Variants in INPP5A observed in about 807,000 individuals in gnomAD.
INPP5A encodes inositol polyphosphate-5-phosphatase A, also known as 43 kDa inositol polyphosphate 5-phophatase.
In INPP5A, 14 loss-of-function variants were observed where a neutral mutation model predicts 65.2. The ratio of observed to expected loss-of-function variants is 0.21; its 90% CI spans 0.14 to 0.34. The LOEUF is 0.34. Among genes scored for constraint, INPP5A ranks in the 10% least tolerant of loss-of-function variants. INPP5A has a pLI of 1.00. For missense variants in INPP5A, 431 were observed against 545.6 expected, an observed-to-expected ratio of 0.79 and a Z score of 2.09; for synonymous variants, 207 against 208.3, an observed-to-expected ratio of 0.99 and a Z score of 0.05.
rs2071117428 is a variant in INPP5A, at chr10:132,555,735, G to T, written c.75+17564G>T. Among the ~76,000 whole-genome samples the T allele has an allele frequency of 1.3e-5, 2 of 152,312 alleles. No homozygotes were observed. The highest frequency in any genetic ancestry group is 4.1e-4 in the South Asian group (2 of 4,828). On this transcript the variant is annotated intron_variant, in intron 1 of 15. Transcript: ENST00000368594. This position sits in a 1 kb window ranked among gnomAD's most constrained non-coding sequence, Gnocchi z 4.4. Reference sequence around the variant, plus strand: ...TTTAGTTTTCGTGCAGAGTGACCCAGACAGGCACAACACTGACACACCTTG... The same window carrying T: ...TTTAGTTTTCGTGCAGAGTGACCCATACAGGCACAACACTGACACACCTTG...
At chr10:132,580,074 A>G (rs1335082603) in intron 1 of INPP5A, among the ~76,000 whole-genome samples, 1 of 152,030 alleles carries the variant, frequency 6.6e-6, no homozygotes, top group Non-Finnish European at 1.5e-5. Context: ...TTTTCATTGA[A>G]TAATCTGCCC....
At chr10:132,750,919 A>T (rs1846464793) in intron 11 of INPP5A, among the ~76,000 whole-genome samples, 1 of 152,188 alleles carries the variant, frequency 6.6e-6, no homozygotes, top group Non-Finnish European at 1.5e-5. Context: ...TTCACATCCT[A>T]GCATCCTGGG....
At chr10:132,626,230 C>G (rs1345278141) in intron 2 of INPP5A, among the ~76,000 whole-genome samples, 1 of 152,240 alleles carries the variant, frequency 6.6e-6, no homozygotes, top group African/African-American at 2.4e-5. Context: ...GGGGCCCACT[C>G]TGCGCTCCCC....
chr10:132,718,859 G>T (rs1420327729), intron 8 of INPP5A, among the ~76,000 whole-genome samples: 1 of 145,644 alleles, frequency 6.9e-6, no homozygotes, highest in African/African-American at 2.5e-5. Flanking sequence ...CACCTTAGAC[G>T]GCTGTCTTCA....
At position 132,704,499 on chromosome 10, in the gene INPP5A, C is replaced by T. The variant is rs1474678586; in HGVS notation, c.475-3814C>T. On this transcript the variant is annotated intron_variant, in intron 6 of 15. Transcript: ENST00000368594. This position sits in a 1 kb window ranked among gnomAD's most constrained non-coding sequence, Gnocchi z 4.5. ...CGCCAGCCCGCGGCGGCTGCTGGTG[C>T]GCAGAGCCACCCCTCGCAGCCCGCC... Among the ~76,000 whole-genome samples the T allele has an allele frequency of 1.3e-5, 2 of 152,232 alleles. No homozygotes were observed. Among genetic ancestry groups the T allele is most frequent in the African/African-American group, 2.4e-5 (1 of 41,458 alleles).
At chr10:132,629,402 C>T (rs2072235099) in intron 2 of INPP5A, among the ~76,000 whole-genome samples, 1 of 152,242 alleles carries the variant, frequency 6.6e-6, no homozygotes, top group African/African-American at 2.4e-5. Flanking sequence ...TCAGTGTCTT[C>T]ATGAACTTTC....
chr10:132,650,396 G>A lies in INPP5A; in HGVS notation c.219-22G>A, dbSNP rs1276145146. 1.3e-6 allele frequency: 2 copies of A among 1,586,534 alleles called. No individual in the cohort carries two copies. Among genetic ancestry groups the A allele is most frequent in the Admixed American group, 3.3e-5 (2 of 59,914 alleles). On this transcript the variant is annotated intron_variant, in intron 3 of 15. Coordinates refer to ENST00000368594, the MANE Select transcript of INPP5A (RefSeq NM_005539.5). This position sits in a 1 kb window ranked among gnomAD's most constrained non-coding sequence, Gnocchi z 5.5. ...AGGCGTCTGTGTGGCTTTTCCTCAG[G>A]AACCTACTTTCTTCCTTCCAGAGAA...
intron 11 of INPP5A, among the ~76,000 whole-genome samples, chr10:132,759,646 G>A (rs1272419703): frequency 1.3e-5 from 2 of 152,102 alleles, no homozygotes; most frequent in Non-Finnish European, 2.9e-5. Flanking sequence ...GGGAAGGGAG[G>A]TGGTGGGGGG....
In INPP5A at chr10:132,616,923, A is replaced by G. The variant is rs2072042081; in HGVS notation, c.117+8967A>G. Among the ~76,000 whole-genome samples, 1 of 152,030 alleles carries G rather than the reference A, an allele frequency of 6.6e-6. No individual in the cohort carries two copies. The highest frequency in any genetic ancestry group is 1.5e-5 in the Non-Finnish European group (1 of 68,002). On this transcript the variant is annotated intron_variant, in intron 2 of 15. Transcript: ENST00000368594. This position sits in a 1 kb window ranked among gnomAD's most constrained non-coding sequence, Gnocchi z 4.9. ...GGGTTGTGGAGCCATCGTGCTGGCC[A>G]GTTGCTTTGCTGCGCTGGTGGGGAG...
rs61862833 is a variant in INPP5A at position 132,729,945 on chromosome 10, C to T, written c.732+3040C>T. On this transcript the variant is annotated intron_variant, in intron 9 of 15. Coordinates refer to ENST00000368594, the MANE Select transcript of INPP5A (RefSeq NM_005539.5). ...AACCTCCAGGCAGCTGCTCGAGCGG[C>T]TGGTGGAGCACTCCAGGGCGAGTGA... Among the ~76,000 whole-genome samples the T allele has an allele frequency of 2.5e-3, 383 of 152,338 alleles. 1 individual carries two copies. Among genetic ancestry groups the T allele is most frequent in the Middle Eastern group, 0.01 (3 of 294 alleles).
chr10:132,538,455 C>T lies in INPP5A; in HGVS notation c.75+284C>T, dbSNP rs1198071609. 1.3e-5 allele frequency among the ~76,000 whole-genome samples: 2 copies of T among 152,146 alleles called. No individual in the cohort carries two copies. The highest frequency in any genetic ancestry group is 2.9e-5 in the Non-Finnish European group (2 of 68,018). On this transcript the variant is annotated intron_variant, in intron 1 of 15. Coordinates refer to ENST00000368594, the MANE Select transcript of INPP5A (RefSeq NM_005539.5). The surrounding 1 kb of genome is among the most constrained non-coding windows in gnomAD (Gnocchi z 4.1). ...GCTGACCGTTGACCCTGGGACCCTG[C>T]CTCTGAACTCCTGTCTGCAAATCCT...
In INPP5A at chr10:132,629,158, G is replaced by A. The variant is rs1368137573; in HGVS notation, c.118-16710G>A. On this transcript the variant is annotated intron_variant, in intron 2 of 15. Coordinates refer to ENST00000368594, the MANE Select transcript of INPP5A (RefSeq NM_005539.5). ...GGGTGGGTCCATTTGGCTGCCTGAC[G>A]TGTGTCCCCAGCACTGCAGATGGGT... Among the ~76,000 whole-genome samples, 7 of 152,314 alleles carry A rather than the reference G, an allele frequency of 4.6e-5. 1 individual carries two copies. The highest frequency in any genetic ancestry group is 1.9e-4 in the East Asian group (1 of 5,172).
chr10:132,732,084 G>T (rs888783075), intron 9 of INPP5A, among the ~76,000 whole-genome samples: 1 of 152,218 alleles, frequency 6.6e-6, no homozygotes, highest in Non-Finnish European at 1.5e-5. Flanking sequence ...TCATTCACAC[G>T]CCCGGCCACC....
At chr10:132,605,943 T>C (rs1288347477) in intron 1 of INPP5A, among the ~76,000 whole-genome samples, 1 of 152,210 alleles carries the variant, frequency 6.6e-6, no homozygotes, top group Non-Finnish European at 1.5e-5. Flanking sequence ...TGTCTGGGCT[T>C]ATTAACCTTA....
intron 1 of INPP5A, among the ~76,000 whole-genome samples, chr10:132,572,879 G>T (rs1390938013): frequency 6.6e-6 from 1 of 152,202 alleles, no homozygotes; most frequent in Non-Finnish European, 1.5e-5. Flanking sequence ...CCCATTGAAA[G>T]AACTTGTTTA....
chr10:132,603,523 T>G lies in INPP5A; in HGVS notation c.76-4392T>G, dbSNP rs1476155241. On this transcript the variant is annotated intron_variant, in intron 1 of 15. Coordinates refer to ENST00000368594, the MANE Select transcript of INPP5A (RefSeq NM_005539.5). This position sits in a 1 kb window ranked among gnomAD's most constrained non-coding sequence, Gnocchi z 4.2. ...GGAGAAACAGACACTGAAGTGAAAC[T>G]CAAGGAACTTCTGAATTTGAGATAA... is the stretch of plus-strand genomic sequence containing the variant. Among the ~76,000 whole-genome samples, 1 of 152,194 alleles carries G rather than the reference T, an allele frequency of 6.6e-6. No homozygotes were observed. The highest frequency in any genetic ancestry group is 1.5e-5 in the Non-Finnish European group (1 of 68,026).
At position 132,633,531 on chromosome 10, in the gene INPP5A, C is replaced by T. The variant is rs138769790; in HGVS notation, c.118-12337C>T. Among the ~76,000 whole-genome samples, 5 of 152,254 alleles carry T rather than the reference C, an allele frequency of 3.3e-5. No homozygotes were observed. In the East Asian group the frequency reaches 9.7e-4, roughly 29 times the overall value. Reference sequence around the variant, plus strand: ...GGTTCGTACTGTCTGAGCCTGGGCACCGCACCTCCTCCAGAGCTGGCAAAC... The same window carrying T: ...GGTTCGTACTGTCTGAGCCTGGGCATCGCACCTCCTCCAGAGCTGGCAAAC... On this transcript the variant is annotated intron_variant, in intron 2 of 15. Transcript: ENST00000368594.
chr10:132,582,913 C>T (rs1363284385), intron 1 of INPP5A, among the ~76,000 whole-genome samples: 1 of 152,198 alleles, frequency 6.6e-6, no homozygotes, highest in Non-Finnish European at 1.5e-5. Flanking sequence ...TTTGGATATT[C>T]CAGGCCTGTT....
At position 132,704,668 on chromosome 10, in the gene INPP5A, G is replaced by T. The variant is rs952886671; in HGVS notation, c.475-3645G>T. On this transcript the variant is annotated intron_variant, in intron 6 of 15. Coordinates refer to ENST00000368594, the MANE Select transcript of INPP5A (RefSeq NM_005539.5). This position sits in a 1 kb window ranked among gnomAD's most constrained non-coding sequence, Gnocchi z 4.5. ...TGGATCCTGTGCGTGGCTGGGCCGT[G>T]GGGGGGCAGTGGCTGTTCCAGGTGG... is the stretch of plus-strand genomic sequence containing the variant. Among the ~76,000 whole-genome samples the T allele has an allele frequency of 6.6e-5, 10 of 152,136 alleles. No homozygotes were observed. Among genetic ancestry groups the T allele is most frequent in the Admixed American group, 3.9e-4 (6 of 15,278 alleles).
Sources: gnomAD v4.1 joint callset for allele counts (sites outside exome capture counted in the v4.1 genomes callset) on GRCh38, gnomAD v4.1.1 for gene constraint, Gnocchi (gnomAD v3.1) non-coding constraint, MANE v1.5 for transcripts, NCBI Gene and HGNC (gene_info 2026-07-23, HGNC 2026-07-21) for gene names.